Variants in SYCP1 observed in about 807,000 individuals in gnomAD.
The protein encoded by SYCP1 is synaptonemal complex protein 1, also known as cancer/testis antigen 8.
A neutral mutation model predicts 153.1 loss-of-function variants in SYCP1; 64 were observed. That is an observed-to-expected ratio of 0.42 (90% confidence interval 0.34 to 0.51). The LOEUF is 0.51. Ranked by LOEUF, SYCP1 falls within the 20% of genes least tolerant of loss-of-function variation. The pLI is 0.06. For synonymous variants in SYCP1, 384 were observed against 341.8 expected, an observed-to-expected ratio of 1.12 and a Z score of -1.36; for missense variants, 997 against 1,049.0, an observed-to-expected ratio of 0.95 and a Z score of 0.68.
chr1:114,862,544 T>G (rs1664451162), intron 8 of SYCP1, among the ~76,000 whole-genome samples: 1 of 151,956 alleles, frequency 6.6e-6, no homozygotes, highest in Non-Finnish European at 1.5e-5. Context: ...GAGATGGGAT[T>G]TTACCATGTT....
intron 30 of SYCP1, among the ~76,000 whole-genome samples, chr1:114,986,857 A>T (rs1673549381): frequency 6.6e-6 from 1 of 151,940 alleles, no homozygotes. Context: ...GTTAGCTGGT[A>T]AATTGCAGTT....
intron 27 of SYCP1, among the ~76,000 whole-genome samples, chr1:114,948,048 T>C (rs1016975175): frequency 6.6e-6 from 1 of 151,856 alleles, no homozygotes; most frequent in African/African-American, 2.4e-5. Flanking sequence ...CCTAATGCTA[T>C]CCCTACCCCC....
intron 30 of SYCP1, among the ~76,000 whole-genome samples, chr1:114,991,621 C>T (rs184182442): frequency 4.2e-4 from 64 of 151,784 alleles, no homozygotes; most frequent in African/African-American, 1.2e-3. Flanking sequence ...GGTAGAAAAC[C>T]TCTCAGAAAA....
At chr1:114,985,540 A>G (rs1673441968) in intron 30 of SYCP1, among the ~76,000 whole-genome samples, 1 of 151,954 alleles carries the variant, frequency 6.6e-6, no homozygotes, top group African/African-American at 2.4e-5. Flanking sequence ...AAAATTCTTA[A>G]TGACAAAATC....
intron 2 of SYCP1, 61 bp from the exon 3 acceptor site, chr1:114,856,512 C>T: frequency 1.7e-6 from 2 of 1,146,236 alleles, no homozygotes; most frequent in Non-Finnish European, 2.5e-6. Flanking sequence ...GTATATATTA[C>T]ACTATTAGTA....
intron 27 of SYCP1, among the ~76,000 whole-genome samples, chr1:114,975,395 TTTAAA>T (rs1672744946): frequency 6.6e-6 from 1 of 151,450 alleles, no homozygotes; most frequent in Non-Finnish European, 1.5e-5. Flanking sequence ...TATGTAGTCT[TTTAAA>T]TTAGTTTATT....
At chr1:114,935,507 A>G (rs1237014012) in intron 23 of SYCP1, among the ~76,000 whole-genome samples, 1 of 152,214 alleles carries the variant, frequency 6.6e-6, no homozygotes, top group Non-Finnish European at 1.5e-5. Flanking sequence ...CTAGAGAAGC[A>G]AGAGCAAACA....
Position 114,994,780 on chromosome 1 carries a change from CA to C in SYCP1, c.2792del (p.Lys931ArgfsTer6). On this transcript the variant is annotated frameshift_variant, in exon 31 of 32. Transcript: ENST00000369522. LOFTEE classifies it high-confidence loss of function. ...GCTTCTCATCTTTGTGTCAAAACACCAAAAAAGGTAGCTTTTAAATTTTATT... is the reference window on the plus strand; with the variant it reads ...GCTTCTCATCTTTGTGTCAAAACACCAAAAAGGTAGCTTTTAAATTTTATT... Reference protein sequence around the residue: ...PPASHLCVKTPKKAPSSLTTP... With the variant: ...PPASHLCVKTXKKAPSSLTTP... The C allele has an allele frequency of 1.3e-6, 2 of 1,584,806 alleles. No individual in the cohort carries two copies. Among genetic ancestry groups the C allele is most frequent in the African/African-American group, 1.4e-5 (1 of 72,760 alleles).
chr1:114,932,052 T>C (rs1184630510), intron 23 of SYCP1, among the ~76,000 whole-genome samples: 1 of 152,180 alleles, frequency 6.6e-6, no homozygotes, highest in East Asian at 1.9e-4. Context: ...TCAGATCATA[T>C]ACAAACATTA....
At chr1:114,949,025 A>G (rs1241187303) in intron 27 of SYCP1, among the ~76,000 whole-genome samples, 1 of 152,206 alleles carries the variant, frequency 6.6e-6, no homozygotes, top group African/African-American at 2.4e-5. Context: ...AAGGTTTAAT[A>G]GGCTTGTGGC....
chr1:114,867,077 T>C (rs1248991108), intron 8 of SYCP1, among the ~76,000 whole-genome samples: 1 of 152,106 alleles, frequency 6.6e-6, no homozygotes, highest in Non-Finnish European at 1.5e-5. Flanking sequence ...ATTGGGTCTG[T>C]TTCTGGACTC....
At chr1:114,888,013 C>T (rs1302252496) in intron 15 of SYCP1, among the ~76,000 whole-genome samples, 7 of 151,976 alleles carry the variant, frequency 4.6e-5, no homozygotes, top group Admixed American at 4.6e-4. Flanking sequence ...AATAATTCTT[C>T]GTGAGAAATG....
intron 27 of SYCP1, among the ~76,000 whole-genome samples, chr1:114,975,962 G>C (rs1333099552): frequency 6.6e-6 from 1 of 151,718 alleles, no homozygotes; most frequent in Non-Finnish European, 1.5e-5. Context: ...ATGAGCACAA[G>C]ATAGGTTTAT....
chr1:114,958,454 A>G (rs776279362), intron 27 of SYCP1, among the ~76,000 whole-genome samples: 4 of 152,206 alleles, frequency 2.6e-5, no homozygotes, highest in Non-Finnish European at 5.9e-5. Flanking sequence ...TATTCCCAAC[A>G]CAAAGAAATG....
chr1:114,876,070 A>G lies in SYCP1; in HGVS notation c.659A>G (p.Lys220Arg). ...VYMDLNNNIE[K>R]MITAFEELRV... is the part of the protein sequence containing the mutation. Reference sequence around the variant, plus strand: ...GATTCTTAAAACTTTATATTTCAGAAAATGATAACAGCTTTTGAGGAACTT... The same window carrying G: ...GATTCTTAAAACTTTATATTTCAGAGAATGATAACAGCTTTTGAGGAACTT... Residue 220 changes from lysine (K) to arginine (R), a missense_variant and splice_region_variant, in exon 10 of 32, where the codon AAA becomes AGA. Around this residue, in one of 2 missense-constraint regions of SYCP1, gnomAD observed 285 missense variants for 366.1 expected, o/e 0.78. Transcript: ENST00000369522. The G allele has an allele frequency of 6.4e-7, 1 of 1,551,120 alleles. No individual in the cohort carries two copies. Among genetic ancestry groups the G allele is most frequent in the Non-Finnish European group, 8.7e-7 (1 of 1,148,978 alleles).
intron 27 of SYCP1, among the ~76,000 whole-genome samples, chr1:114,964,136 T>C (rs1226830508): frequency 2.0e-5 from 3 of 152,078 alleles, no homozygotes; most frequent in East Asian, 1.9e-4. Flanking sequence ...GATGATGAGC[T>C]TTTTTTTCAT....
intron 9 of SYCP1, among the ~76,000 whole-genome samples, chr1:114,875,581 T>C (rs149314613): frequency 6.6e-6 from 1 of 152,264 alleles, no homozygotes; most frequent in Non-Finnish European, 1.5e-5. Flanking sequence ...TCTATTCCTA[T>C]TACCTAAAAC....
In SYCP1 at chr1:114,950,657, G is replaced by A. The variant is rs74640500; in HGVS notation, c.2322+3337G>A. 6.6e-3 allele frequency among the ~76,000 whole-genome samples: 1,007 copies of A among 151,744 alleles called. 15 individuals are homozygous for A. Among genetic ancestry groups the A allele is most frequent in the African/African-American group, 0.023 (944 of 41,380 alleles). ...TTGTCTATACTATTGTTACTTTTTT[G>A]AAATTTCTTTAGCATTTTCTTTATG... On this transcript the variant is annotated intron_variant, in intron 27 of 31. Transcript: ENST00000369522.
chr1:114,888,838 A>T (rs1363123504), intron 15 of SYCP1, among the ~76,000 whole-genome samples: 1 of 151,882 alleles, frequency 6.6e-6, no homozygotes, highest in Non-Finnish European at 1.5e-5. Context: ...ATTTTTCCTA[A>T]TGCTATCCCT....
Sources: gnomAD v4.1 joint callset for allele counts (sites outside exome capture counted in the v4.1 genomes callset) on GRCh38, gnomAD v4.1.1 for gene constraint, gnomAD v4.1.1 regional missense constraint, MANE v1.5 for transcripts, NCBI Gene and HGNC (gene_info 2026-07-23, HGNC 2026-07-21) for gene names.